TRMT11: variants seen among roughly 807,000 people sequenced by gnomAD.
TRMT11 encodes tRNA (guanine(10)-N(2))-methyltransferase TRMT11.
A neutral mutation model predicts 62.8 loss-of-function variants in TRMT11; 53 were observed. The observed-to-expected ratio is 0.84, with a 90% CI of 0.68 to 1.06. The LOEUF (loss-of-function observed/expected upper bound fraction) is 1.06, where lower values mean the gene tolerates loss of function less well. Ranked by LOEUF, TRMT11 falls within the 50% of genes least tolerant of loss-of-function variation. The probability of loss-of-function intolerance (pLI) is 0.00; values close to 1 mark genes in which losing one functional copy is unlikely to be tolerated. For missense variants in TRMT11, 556 were observed against 553.4 expected (o/e 1.00, Z -0.05); for synonymous variants, 188 against 190.3 (o/e 0.99, Z 0.10).
At chr6:126,096,334 T>C (rs931929340) in intron 17 of TRMT11, among the ~76,000 whole-genome samples, 1 of 152,120 alleles carries the variant, frequency 6.6e-6, no homozygotes, top group African/African-American at 2.4e-5. Flanking sequence ...GCTATGGGTA[T>C]CTCCAGGAAA....
intron 21 of TRMT11, among the ~76,000 whole-genome samples, chr6:126,133,943 A>G (rs1777819666): frequency 6.6e-6 from 1 of 151,930 alleles, no homozygotes; most frequent in Non-Finnish European, 1.5e-5. Context: ...GAATTCCTTG[A>G]GCAAACCTTC....
intron 17 of TRMT11, among the ~76,000 whole-genome samples, chr6:126,091,947 T>A (rs1329364163): frequency 1.3e-5 from 2 of 152,178 alleles, no homozygotes; most frequent in Non-Finnish European, 2.9e-5. Flanking sequence ...ATATATCCCA[T>A]GTGTTTAAAT....
chr6:126,166,561 G>T (rs1306797587), intron 21 of TRMT11, among the ~76,000 whole-genome samples: 2 of 152,146 alleles, frequency 1.3e-5, no homozygotes, highest in African/African-American at 2.4e-5. Context: ...CCTGTATAAG[G>T]TGTCTCCCAG....
At chr6:126,201,637 A>G (rs1374029684) in intron 3 of TRMT11, among the ~76,000 whole-genome samples, 2 of 152,114 alleles carry the variant, frequency 1.3e-5, no homozygotes, top group Non-Finnish European at 2.9e-5. Context: ...CAGGCATTTG[A>G]CATTGATGGT....
intron 21 of TRMT11, among the ~76,000 whole-genome samples, chr6:126,170,056 G>A (rs1778312984): frequency 6.6e-6 from 1 of 151,920 alleles, no homozygotes; most frequent in Non-Finnish European, 1.5e-5. Flanking sequence ...CCATGCTGCT[G>A]TATTTTCCTT....
At chr6:126,044,745 T>C (rs1775996563) in intron 16 of TRMT11, among the ~76,000 whole-genome samples, 1 of 152,208 alleles carries the variant, frequency 6.6e-6, no homozygotes, top group African/African-American at 2.4e-5. Context: ...AGTAAAGGCA[T>C]GCTTACTGCC....
At chr6:126,009,293 G>T (rs995114659) in intron 8 of TRMT11, 1 of 151,814 alleles carries the variant, frequency 6.6e-6, no homozygotes, top group African/African-American at 2.4e-5. Flanking sequence ...ATTCTGCCTT[G>T]AACTGAGAGT....
At chr6:126,190,154 TC>T (rs940457097) in intron 1 of TRMT11, among the ~76,000 whole-genome samples, 1 of 152,206 alleles carries the variant, frequency 6.6e-6, no homozygotes, top group Non-Finnish European at 1.5e-5. Flanking sequence ...ATTTGTTTTT[TC>T]TAACTGCGTT....
At chr6:126,182,982 C>T (rs1306845388) in intron 1 of TRMT11, among the ~76,000 whole-genome samples, 1 of 152,002 alleles carries the variant, frequency 6.6e-6, no homozygotes, top group Non-Finnish European at 1.5e-5. Context: ...TCACCTGCCC[C>T]CTACAGGGAG....
intron 21 of TRMT11, among the ~76,000 whole-genome samples, chr6:126,124,468 T>C (rs1420154954): frequency 6.6e-6 from 1 of 152,148 alleles, no homozygotes; most frequent in African/African-American, 2.4e-5. Context: ...CATCCTTTGC[T>C]GTGAGACTGC....
At chr6:126,112,764 G>A (rs185639093) in intron 17 of TRMT11, among the ~76,000 whole-genome samples, 14 of 152,078 alleles carry the variant, frequency 9.2e-5, no homozygotes, top group Non-Finnish European at 1.5e-4. Context: ...ATCGTTAGTT[G>A]CCTATGTTCC....
chr6:126,091,127 G>A (rs1777271147), intron 17 of TRMT11, among the ~76,000 whole-genome samples: 1 of 151,352 alleles, frequency 6.6e-6, no homozygotes, highest in African/African-American at 2.4e-5. Context: ...GGGTGTGGCT[G>A]AGGGAGGTGG....
At chr6:126,076,330 C>T (rs1777023031) in intron 17 of TRMT11, among the ~76,000 whole-genome samples, 1 of 152,208 alleles carries the variant, frequency 6.6e-6, no homozygotes, top group Non-Finnish European at 1.5e-5. Flanking sequence ...CCATATCTGC[C>T]TATGTGACAA....
At chr6:126,151,867 C>CCTTTCTTTCTTTCTTTCT (rs1778054718) in intron 21 of TRMT11, among the ~76,000 whole-genome samples, 1 of 18,412 alleles carries the variant, frequency 5.4e-5, no homozygotes, top group African/African-American at 2.5e-4. Context: ...TCTTTCTTTC[C>CCTTTCTTTCTTTCTTTCT]TTCTTTCTCC....
At chr6:126,157,207 C>T (rs1778132120) in intron 21 of TRMT11, among the ~76,000 whole-genome samples, 2 of 152,202 alleles carry the variant, frequency 1.3e-5, no homozygotes, top group African/African-American at 4.8e-5. Flanking sequence ...TCCACACTTC[C>T]TCTTCTTCTT....
At chr6:126,056,767 CTGATG>C (rs540489905) in intron 17 of TRMT11, among the ~76,000 whole-genome samples, 37 of 152,328 alleles carry the variant, frequency 2.4e-4, no homozygotes, top group African/African-American at 8.7e-4. Flanking sequence ...AATGCAGACT[CTGATG>C]TGCGGTTAAA....
chr6:126,007,271 A>G (rs977852427), intron 7 of TRMT11, among the ~76,000 whole-genome samples: 2 of 152,004 alleles, frequency 1.3e-5, no homozygotes, highest in Non-Finnish European at 2.9e-5. Context: ...CTACCAGACT[A>G]TGTTTTAAAT....
the TRMT11 span, among the ~76,000 whole-genome samples, chr6:126,238,517 G>A: frequency 2.0e-5 from 3 of 151,866 alleles, no homozygotes; most frequent in East Asian, 1.9e-4. Context: ...GTAGTTGAGC[G>A]GTTTTGAGTG....
the TRMT11 span, among the ~76,000 whole-genome samples, chr6:126,237,325 C>T: frequency 2.0e-5 from 3 of 152,130 alleles, no homozygotes; most frequent in Admixed American, 6.5e-5. Flanking sequence ...CGTCTATCTC[C>T]ATCTCCTCTG....
Sources: allele counts gnomAD v4.1 joint callset (sites outside exome capture counted in the v4.1 genomes callset), GRCh38; gene constraint gnomAD v4.1.1; transcripts MANE v1.5; gene names NCBI Gene and HGNC (gene_info 2026-07-23, HGNC 2026-07-21).